The following BABAM2 variants were observed in gnomAD, a reference collection of about 807,000 sequenced individuals.
BABAM2 encodes the protein BRISC and BRCA1-A complex member 2.
BABAM2 carries 31 observed loss-of-function variants against 54.7 expected under a neutral mutation model. The ratio of observed to expected loss-of-function variants is 0.57; its 90% CI spans 0.43 to 0.77. The LOEUF (loss-of-function observed/expected upper bound fraction) is 0.77. Ranked by LOEUF, BABAM2 falls within the 30% of genes least tolerant of loss-of-function variation. The pLI, the probability that BABAM2 is intolerant of heterozygous loss-of-function variation, is 0.00. For missense variants in BABAM2, 364 were observed against 455.8 expected, an observed-to-expected ratio of 0.80 and a Z score of 1.83; for synonymous variants, 167 against 162.9, an observed-to-expected ratio of 1.03 and a Z score of -0.19.
At chr2:28,174,121 T>A (rs1045780716) in intron 7 of BABAM2, among the ~76,000 whole-genome samples, 1 of 152,226 alleles carries the variant, frequency 6.6e-6, no homozygotes, top group African/African-American at 2.4e-5. Context: ...AGTTTATCTG[T>A]CTGTGAAGCA....
At chr2:28,031,626 T>C (rs1387148724) in intron 5 of BABAM2, among the ~76,000 whole-genome samples, 8 of 152,108 alleles carry the variant, frequency 5.3e-5, no homozygotes, top group Non-Finnish European at 1.0e-4. Context: ...ATTTGGAAGG[T>C]TTAATCTGTA....
upstream of BABAM2, chr2:27,890,563 G>A: frequency 1.9e-6 from 1 of 532,660 alleles, no homozygotes; most frequent in Non-Finnish European, 3.4e-6. The surrounding 1 kb of genome is among the most constrained non-coding windows in gnomAD (Gnocchi z 4.8). Context: ...GGGCCCTCCT[G>A]ATATGGCGAG....
intron 7 of BABAM2, among the ~76,000 whole-genome samples, chr2:28,211,082 G>A (rs1177225109): frequency 6.6e-6 from 1 of 152,130 alleles, no homozygotes; most frequent in Non-Finnish European, 1.5e-5. Context: ...ATTAAAATGA[G>A]TTTGTATTCC....
At chr2:28,259,237 G>A (rs71443012) in intron 10 of BABAM2, among the ~76,000 whole-genome samples, 1 of 148,936 alleles carries the variant, frequency 6.7e-6, no homozygotes, top group East Asian at 2.0e-4. Context: ...ACAGGCACAC[G>A]CCACCACACC....
intron 6 of BABAM2, among the ~76,000 whole-genome samples, chr2:28,121,313 G>A (rs1313193985): frequency 6.6e-6 from 1 of 152,148 alleles, no homozygotes; most frequent in African/African-American, 2.4e-5. Context: ...ACATTTCCCA[G>A]TATGTTTATG....
chr2:28,199,123 G>A (rs1475223343), intron 7 of BABAM2, among the ~76,000 whole-genome samples: 2 of 152,130 alleles, frequency 1.3e-5, no homozygotes, highest in African/African-American at 2.4e-5. Context: ...TTTTTATAAT[G>A]CAGTGCTAAT....
intron 7 of BABAM2, among the ~76,000 whole-genome samples, chr2:28,230,343 A>G (rs76036181): frequency 0.022 from 3,361 of 152,276 alleles, 104 homozygotes; most frequent in African/African-American, 0.077. Context: ...GAGATGGCTC[A>G]AAGTTGAATC....
intron 7 of BABAM2, among the ~76,000 whole-genome samples, chr2:28,170,617 G>GT (rs1199562133): frequency 6.6e-6 from 1 of 151,992 alleles, no homozygotes; most frequent in Non-Finnish European, 1.5e-5. Flanking sequence ...ATATCTTTAT[G>GT]TTTGATTGAT....
At chr2:27,915,414 C>T (rs1465651040) in intron 2 of BABAM2, among the ~76,000 whole-genome samples, 4 of 152,168 alleles carry the variant, frequency 2.6e-5, no homozygotes, top group Non-Finnish European at 5.9e-5. Flanking sequence ...CTCTCTGGAG[C>T]ATGACTGTTA....
At chr2:28,221,063 G>A (rs1489095354) in intron 7 of BABAM2, among the ~76,000 whole-genome samples, 1 of 151,948 alleles carries the variant, frequency 6.6e-6, no homozygotes, top group Non-Finnish European at 1.5e-5. Flanking sequence ...GTTAACCTAG[G>A]TGTCTCTCCT....
chr2:28,071,323 G>A (rs1236624087), intron 6 of BABAM2, among the ~76,000 whole-genome samples: 1 of 152,014 alleles, frequency 6.6e-6, no homozygotes, highest in African/African-American at 2.4e-5. Flanking sequence ...AAGAACTCAG[G>A]TCATTTACTT....
At chr2:28,289,936 C>T (rs572382598) in intron 10 of BABAM2, among the ~76,000 whole-genome samples, 15 of 152,124 alleles carry the variant, frequency 9.9e-5, no homozygotes, top group Non-Finnish European at 2.1e-4. Flanking sequence ...ATCCTTTACT[C>T]ATTCCCTTTT....
intron 11 of BABAM2, among the ~76,000 whole-genome samples, chr2:28,333,291 C>T (rs1005862876): frequency 6.6e-6 from 1 of 152,200 alleles, no homozygotes; most frequent in African/African-American, 2.4e-5. Flanking sequence ...GGCCAGGCCT[C>T]GAGCCCAGTC....
chr2:27,974,958 A>G (rs546021895), intron 3 of BABAM2, among the ~76,000 whole-genome samples: 1 of 152,210 alleles, frequency 6.6e-6, no homozygotes, highest in South Asian at 2.1e-4. Context: ...AATCAGAAAC[A>G]GAAAGTTAAA....
At chr2:28,327,927 A>T (rs1328579669) in intron 11 of BABAM2, among the ~76,000 whole-genome samples, 1 of 152,198 alleles carries the variant, frequency 6.6e-6, no homozygotes, top group Non-Finnish European at 1.5e-5. Flanking sequence ...TGAACCAGTT[A>T]CAAGCACTTG....
At chr2:27,969,226 T>C (rs545881484) in intron 3 of BABAM2, among the ~76,000 whole-genome samples, 1 of 152,318 alleles carries the variant, frequency 6.6e-6, no homozygotes, top group East Asian at 1.9e-4. Flanking sequence ...CCCAGCCACA[T>C]GAAACTGTGA....
chr2:28,012,627 A>T (rs1395206303), intron 4 of BABAM2, among the ~76,000 whole-genome samples: 1 of 152,190 alleles, frequency 6.6e-6, no homozygotes, highest in Non-Finnish European at 1.5e-5. Context: ...TAGTCACTCT[A>T]GTACTCTTCA....
intron 2 of BABAM2, among the ~76,000 whole-genome samples, chr2:27,927,889 G>C (rs1226641211): frequency 6.6e-6 from 1 of 150,686 alleles, no homozygotes; most frequent in African/African-American, 2.4e-5. Flanking sequence ...TGTCACCCAG[G>C]CTGGAGCAAA....
At chr2:28,166,707 A>C (rs1355536971) in intron 7 of BABAM2, among the ~76,000 whole-genome samples, 2 of 152,152 alleles carry the variant, frequency 1.3e-5, no homozygotes, top group African/African-American at 4.8e-5. Context: ...CGCTCATGAC[A>C]TTACAGTTAT....
Sources: gnomAD v4.1 joint callset for allele counts (sites outside exome capture counted in the v4.1 genomes callset) on GRCh38, gnomAD v4.1.1 for gene constraint, Gnocchi (gnomAD v3.1) non-coding constraint, MANE v1.5 for transcripts, NCBI Gene and HGNC (gene_info 2026-07-23, HGNC 2026-07-21) for gene names.